The following F13B variants were observed in gnomAD, a reference collection of about 807,000 sequenced individuals.
The protein encoded by F13B is coagulation factor XIII B chain, also known as TGase.
In F13B, 58 loss-of-function variants were observed where a neutral mutation model predicts 79.8. That is an observed-to-expected ratio of 0.73 (90% CI 0.59 to 0.90). F13B has a LOEUF of 0.90. Ranked by LOEUF, F13B falls within the 40% of genes least tolerant of loss-of-function variation. The probability of loss-of-function intolerance (pLI) is 0.00; values close to 1 mark genes in which losing one functional copy is unlikely to be tolerated. For missense variants in F13B, 773 were observed against 777.0 expected (o/e 0.99, Z 0.06); for synonymous variants, 283 against 260.3 (o/e 1.09, Z -0.84).
At chr1:197,056,986 T>C (rs765451279) in intron 7 of F13B, 27 bp downstream of exon 7, 18 of 1,607,954 alleles carry the variant, frequency 1.1e-5, no homozygotes, top group Non-Finnish European at 1.7e-6. Flanking sequence ...TAAGTTTAGC[T>C]ACTGATGGTA....
At chr1:197,046,156 T>A (rs1655221646) in intron 10 of F13B, among the ~76,000 whole-genome samples, 1 of 152,208 alleles carries the variant, frequency 6.6e-6, no homozygotes, top group South Asian at 2.1e-4. Flanking sequence ...TGTTGGAAGT[T>A]CTGGCCAGGG....
At chr1:197,048,789 T>C (rs1430185986) in intron 10 of F13B, among the ~76,000 whole-genome samples, 2 of 150,304 alleles carry the variant, frequency 1.3e-5, no homozygotes, top group African/African-American at 2.4e-5. Flanking sequence ...AATTCACATA[T>C]ATAAAACAGT....
chr1:197,052,546 A>T, intron 9 of F13B, 88 bp downstream of exon 9: 1 of 841,378 alleles, frequency 1.2e-6, no homozygotes, highest in Non-Finnish European at 1.9e-6. Flanking sequence ...ATAATAAGAA[A>T]AATAGCAACA....
At chr1:197,045,511 A>G (rs1441565102) in intron 10 of F13B, among the ~76,000 whole-genome samples, 2 of 152,212 alleles carry the variant, frequency 1.3e-5, no homozygotes, top group East Asian at 3.9e-4. Flanking sequence ...AATTGAGGCA[A>G]TAATTAATAG....
At chr1:197,046,623 A>G (rs562459886) in intron 10 of F13B, among the ~76,000 whole-genome samples, 51 of 152,232 alleles carry the variant, frequency 3.4e-4, no homozygotes, top group African/African-American at 1.0e-3. Context: ...TCCCCATCAA[A>G]CTACCATTGA....
At chr1:197,050,504 T>C (rs1454283196) in intron 10 of F13B, among the ~76,000 whole-genome samples, 193 bp downstream of exon 10, 2 of 152,072 alleles carry the variant, frequency 1.3e-5, no homozygotes, top group Admixed American at 6.6e-5. Flanking sequence ...AAAATATGTA[T>C]TACAACAAAC....
chr1:197,053,893 G>C (rs775552418), intron 8 of F13B, among the ~76,000 whole-genome samples: 4 of 151,984 alleles, frequency 2.6e-5, no homozygotes, highest in Admixed American at 6.6e-5. Flanking sequence ...CCTGAAGTGA[G>C]AGCATTCTTG....
chr1:197,060,847 T>G, intron 4 of F13B, 52 bp downstream of exon 4: 48 of 1,521,918 alleles, frequency 3.2e-5, no homozygotes, highest in Non-Finnish European at 4.1e-5. Context: ...CACTTCTCTA[T>G]GAGAAAAAGC....
In F13B at chr1:197,042,980, C is replaced by T. The variant is rs17514774; in HGVS notation, c.1739-2245G>A. Among the ~76,000 whole-genome samples, 974 of 151,732 alleles carry T rather than the reference C, an allele frequency of 6.4e-3. 12 individuals carry two copies. The highest frequency in any genetic ancestry group is 0.023 in the African/African-American group (934 of 41,430). On this transcript the variant is annotated intron_variant, in intron 10 of 11. Coordinates refer to ENST00000367412, the MANE Select transcript of F13B (RefSeq NM_001994.3). ...GTTGAAGATAGAAAAATGAGAATTT[C>T]GGTAAACCAAAGCAGCCAGGACTTG...
intron 11 of F13B, among the ~76,000 whole-genome samples, chr1:197,039,945 A>T (rs1654977048): frequency 1.3e-5 from 2 of 152,068 alleles, no homozygotes; most frequent in Admixed American, 6.6e-5. Flanking sequence ...TGTCTTCAAA[A>T]AGGGTTAAAA....
chr1:197,044,583 A>G (rs1330454453), intron 10 of F13B, among the ~76,000 whole-genome samples: 1 of 152,156 alleles, frequency 6.6e-6, no homozygotes, highest in Non-Finnish European at 1.5e-5. Context: ...CCCACTGTCA[A>G]TACTAGACAG....
At position 197,055,816 on chromosome 1, in the gene F13B, C is replaced by A. The variant is rs1406580241; in HGVS notation, c.1253G>T (p.Gly418Val). The change falls in exon 8 of 12, where the codon GGA becomes GTA. Residue 418 changes from glycine (G) to valine (V), a missense_variant. Coordinates refer to ENST00000367412, the MANE Select transcript of F13B (RefSeq NM_001994.3). ...ADGILASYATGSSVEYRCNEY... is the reference protein window; with the variant it reads ...ADGILASYATVSSVEYRCNEY... Reference sequence around the variant, plus strand: ...ATTGCATCTATATTCCACTGAGGATCCTGTTGCATAGCTTGCCAATATCCC... The same window carrying A: ...ATTGCATCTATATTCCACTGAGGATACTGTTGCATAGCTTGCCAATATCCC... The A allele has an allele frequency of 2.5e-6, 4 of 1,613,382 alleles. No individual in the cohort carries two copies. In the African/African-American group the frequency reaches 4.0e-5, roughly 16 times the overall value.
At chr1:197,039,559 C>A (rs1654960808) in intron 11 of F13B, 148 bp from the exon 12 acceptor site, 1 of 618,206 alleles carries the variant, frequency 1.6e-6, no homozygotes, top group Non-Finnish European at 2.9e-6. Flanking sequence ...GTAAATAATA[C>A]CACCAGTTCC....
In F13B at chr1:197,055,586, TAAAG is replaced by T. The variant is rs918829227; in HGVS notation, c.1354+125_1354+128del. 16 of 988,614 alleles carry T rather than the reference TAAAG, an allele frequency of 1.6e-5. No individual in the cohort carries two copies. In the African/African-American group the frequency reaches 1.8e-4, roughly 11 times the overall value. The allele number at this position is 988,614 out of a possible 1,614,324, so 61.2% of individuals were successfully genotyped here. A position where few individuals can be genotyped will look rare whatever the true frequency, so the allele number is the denominator to read the frequency against. ...ACTAATATTTTAGGGACTTTCTACT[TAAAG>T]AAATGAGAGAGAAAACACTTGTGAA... On this transcript the variant is annotated intron_variant, in intron 8 of 11. Transcript: ENST00000367412.
chr1:197,039,016 C>T lies in F13B; in HGVS notation c.*362G>A, dbSNP rs1398470048. ...ACTTTGAATTAAGGGTAACAAAAGC[C>T]TTAATATTAATAAAGATGATGACGA... On this transcript the variant is annotated 3_prime_UTR_variant, in exon 12 of 12. Coordinates refer to ENST00000367412, the MANE Select transcript of F13B (RefSeq NM_001994.3). Among the ~76,000 whole-genome samples, 1 of 151,912 alleles carries T rather than the reference C, an allele frequency of 6.6e-6. No individual in the cohort carries two copies. The highest frequency in any genetic ancestry group is 1.5e-5 in the Non-Finnish European group (1 of 67,986).
At position 197,065,824 on chromosome 1, in the gene F13B, G is replaced by A. The variant is rs146518888; in HGVS notation, c.64+1336C>T. On this transcript the variant is annotated intron_variant, in intron 1 of 11. Coordinates refer to ENST00000367412, the MANE Select transcript of F13B (RefSeq NM_001994.3). ...AAATGGACTTCAAGATTAGGAATAA[G>A]GGGATAAAATGTGTAAGTAAAGCAA... 2.5e-3 allele frequency among the ~76,000 whole-genome samples: 380 copies of A among 152,196 alleles called. 2 individuals are homozygous for A. The highest frequency in any genetic ancestry group is 0.01 in the Middle Eastern group (3 of 294).
At chr1:197,055,373 A>G (rs1030854815) in intron 8 of F13B, among the ~76,000 whole-genome samples, 1 of 151,982 alleles carries the variant, frequency 6.6e-6, no homozygotes, top group Non-Finnish European at 1.5e-5. Flanking sequence ...TGACATTCTG[A>G]GGGCAATACA....
At chr1:197,066,868 A>G (rs923522423) in intron 1 of F13B, among the ~76,000 whole-genome samples, 1 of 152,142 alleles carries the variant, frequency 6.6e-6, no homozygotes, top group Admixed American at 6.6e-5. Context: ...CGAAATGGAC[A>G]TATTGTTAAC....
At chr1:197,060,786 A>G in intron 4 of F13B, 113 bp downstream of exon 4, 2 of 1,021,936 alleles carry the variant, frequency 2.0e-6, no homozygotes, top group East Asian at 2.4e-5. Context: ...TTAAAAATAA[A>G]GGCAAAAATG....
Sources: gnomAD v4.1 joint callset for allele counts (sites outside exome capture counted in the v4.1 genomes callset) on GRCh38, gnomAD v4.1.1 for gene constraint, MANE v1.5 for transcripts, NCBI Gene and HGNC (gene_info 2026-07-23, HGNC 2026-07-21) for gene names.